Variants in NEGR1 observed in about 807,000 individuals in gnomAD.
The protein encoded by NEGR1 is IgLON family member 4.
Under a neutral mutation model 40.9 loss-of-function variants are expected in NEGR1, and 10 were observed. That is an observed-to-expected ratio of 0.24 (90% confidence interval 0.15 to 0.42). NEGR1 has a LOEUF of 0.42. Ranked by LOEUF, NEGR1 falls within the 10% of genes least tolerant of loss-of-function variation. NEGR1 has a pLI of 1.00. For missense variants in NEGR1, 352 were observed against 438.9 expected, an observed-to-expected ratio of 0.80 and a Z score of 1.77; for synonymous variants, 185 against 166.8, an observed-to-expected ratio of 1.11 and a Z score of -0.84.
At chr1:72,250,269 AC>A (rs1188557925) in intron 1 of NEGR1, among the ~76,000 whole-genome samples, 11 of 151,178 alleles carry the variant, frequency 7.3e-5, no homozygotes, top group African/African-American at 2.7e-4. Flanking sequence ...TCCCAACAGC[AC>A]CCCCCAAGCC....
At chr1:71,922,651 A>G (rs761342233) in intron 2 of NEGR1, among the ~76,000 whole-genome samples, 3 of 152,210 alleles carry the variant, frequency 2.0e-5, no homozygotes, top group Non-Finnish European at 4.4e-5. Context: ...AGCAATATCA[A>G]TTGCATCCTA....
At chr1:71,870,371 C>T (rs571110347) in intron 2 of NEGR1, among the ~76,000 whole-genome samples, 137 of 152,102 alleles carry the variant, frequency 9.0e-4, no homozygotes, top group Admixed American at 2.0e-3. Flanking sequence ...CGCATAATTA[C>T]GTTAGGGTAT....
chr1:71,872,424 G>C (rs943736094), intron 2 of NEGR1, among the ~76,000 whole-genome samples: 1 of 152,124 alleles, frequency 6.6e-6, no homozygotes, highest in African/African-American at 2.4e-5. Context: ...CCAGTTACAA[G>C]GGGCCCTGGA....
intron 1 of NEGR1, among the ~76,000 whole-genome samples, chr1:72,232,899 A>G (rs1654418945): frequency 6.6e-6 from 1 of 152,182 alleles, no homozygotes; most frequent in Admixed American, 6.5e-5. Context: ...TGAGACATCT[A>G]AAACGGTAGG....
At chr1:72,195,079 G>A (rs1652954973) in intron 1 of NEGR1, among the ~76,000 whole-genome samples, 1 of 151,998 alleles carries the variant, frequency 6.6e-6, no homozygotes, top group Admixed American at 6.6e-5. Flanking sequence ...GAGGCACAAG[G>A]ATTTATCAAA....
At chr1:71,657,165 G>C (rs921831292) in intron 4 of NEGR1, among the ~76,000 whole-genome samples, 7 of 152,156 alleles carry the variant, frequency 4.6e-5, no homozygotes, top group African/African-American at 1.7e-4. Flanking sequence ...GTAGTATAAA[G>C]AACTAGTGAA....
At chr1:71,896,445 C>T (rs1254902922) in intron 2 of NEGR1, among the ~76,000 whole-genome samples, 2 of 152,104 alleles carry the variant, frequency 1.3e-5, no homozygotes, top group Non-Finnish European at 2.9e-5. Context: ...TTTTTAGATA[C>T]TAGTGCCTTA....
chr1:72,171,155 C>A (rs1197465225), intron 1 of NEGR1, among the ~76,000 whole-genome samples: 1 of 152,098 alleles, frequency 6.6e-6, no homozygotes, highest in Non-Finnish European at 1.5e-5. Flanking sequence ...CTTTCCAGAG[C>A]AGGAAGGAAT....
At chr1:71,497,158 G>C (rs572302155) in intron 6 of NEGR1, among the ~76,000 whole-genome samples, 1 of 152,164 alleles carries the variant, frequency 6.6e-6, no homozygotes, top group South Asian at 2.1e-4. Flanking sequence ...ATACCAGCTA[G>C]TATTTTACAT....
At chr1:71,780,901 C>T (rs781218307) in intron 2 of NEGR1, among the ~76,000 whole-genome samples, 1 of 152,142 alleles carries the variant, frequency 6.6e-6, no homozygotes, top group Admixed American at 6.6e-5. Context: ...TGTCTTCAGG[C>T]CAGGTATGAG....
intron 1 of NEGR1, among the ~76,000 whole-genome samples, chr1:71,995,064 C>T (rs1646492252): frequency 7.0e-6 from 1 of 143,810 alleles, no homozygotes; most frequent in Non-Finnish European, 1.5e-5. Flanking sequence ...TCTGAAAGAA[C>T]ACTATTTAAG....
At chr1:71,685,318 C>T (rs1326726793) in intron 4 of NEGR1, among the ~76,000 whole-genome samples, 1 of 142,122 alleles carries the variant, frequency 7.0e-6, no homozygotes, top group Non-Finnish European at 1.5e-5. Flanking sequence ...AATTAATTGA[C>T]ATTACTTTTT....
intron 1 of NEGR1, among the ~76,000 whole-genome samples, chr1:71,963,065 C>A (rs1277370216): frequency 6.6e-6 from 1 of 151,888 alleles, no homozygotes; most frequent in South Asian, 2.1e-4. Context: ...TTATGTAAGC[C>A]AGAGTATTTT....
chr1:71,547,820 G>A (rs905715252), intron 6 of NEGR1, among the ~76,000 whole-genome samples: 4 of 151,662 alleles, frequency 2.6e-5, no homozygotes, highest in East Asian at 3.9e-4. Flanking sequence ...TACTGGGATC[G>A]GTGTATCTGA....
chr1:72,176,931 G>A (rs930857016), intron 1 of NEGR1, among the ~76,000 whole-genome samples: 2 of 150,922 alleles, frequency 1.3e-5, no homozygotes, highest in Non-Finnish European at 2.9e-5. Context: ...GAATAGTAAG[G>A]AGTCAGTTTC....
At chr1:72,239,442 T>C (rs939653568) in intron 1 of NEGR1, among the ~76,000 whole-genome samples, 2 of 151,868 alleles carry the variant, frequency 1.3e-5, no homozygotes, top group East Asian at 1.9e-4. Flanking sequence ...AAAAATAATA[T>C]AAACAGTGTT....
chr1:71,654,474 T>C (rs1651817396), intron 4 of NEGR1, among the ~76,000 whole-genome samples: 1 of 152,208 alleles, frequency 6.6e-6, no homozygotes, highest in South Asian at 2.1e-4. Flanking sequence ...TTGCACAATA[T>C]TTTTTTCCTA....
chr1:71,734,873 C>T (rs1433954304), intron 3 of NEGR1, among the ~76,000 whole-genome samples: 1 of 151,932 alleles, frequency 6.6e-6, no homozygotes, highest in Non-Finnish European at 1.5e-5. Flanking sequence ...CTCTTCAGTT[C>T]TCTTGTCTCT....
At chr1:71,817,882 T>C (rs1658284659) in intron 2 of NEGR1, among the ~76,000 whole-genome samples, 1 of 152,056 alleles carries the variant, frequency 6.6e-6, no homozygotes, top group Non-Finnish European at 1.5e-5. Flanking sequence ...TATTGTGTTT[T>C]TGAAATGCAG....
Sources: gnomAD v4.1 joint callset for allele counts (sites outside exome capture counted in the v4.1 genomes callset) on GRCh38, gnomAD v4.1.1 for gene constraint, MANE v1.5 for transcripts, NCBI Gene and HGNC (gene_info 2026-07-23, HGNC 2026-07-21) for gene names.